Variants in KIAA1217 observed in about 807,000 individuals in gnomAD.
The protein encoded by KIAA1217 is KIAA1217.
KIAA1217 carries 88 observed loss-of-function variants against 163.9 expected under a neutral mutation model. The observed-to-expected ratio is 0.54, with a 90% CI of 0.45 to 0.64. The LOEUF (loss-of-function observed/expected upper bound fraction) is 0.64, where lower values mean the gene tolerates loss of function less well. Ranked by LOEUF, KIAA1217 falls within the 30% of genes least tolerant of loss-of-function variation. The probability of loss-of-function intolerance (pLI) is 0.00; values close to 1 mark genes in which losing one functional copy is unlikely to be tolerated. For missense variants in KIAA1217, 2,372 were observed against 2,475.0 expected (o/e 0.96, Z 0.88); for synonymous variants, 903 against 923.1 (o/e 0.98, Z 0.39).
At chr10:24,393,196 CTG>C (rs1418425923) in intron 3 of KIAA1217, among the ~76,000 whole-genome samples, 2 of 152,184 alleles carry the variant, frequency 1.3e-5, no homozygotes, top group Non-Finnish European at 2.9e-5. Context: ...TGTCCAGAAA[CTG>C]AGATTTAGGG....
At chr10:24,538,269 C>T (rs981635569) in intron 17 of KIAA1217, among the ~76,000 whole-genome samples, 11 of 152,130 alleles carry the variant, frequency 7.2e-5, no homozygotes, top group Non-Finnish European at 1.2e-4. Flanking sequence ...GGCTCATAAC[C>T]ACCACGGCAC....
At position 23,782,216 on chromosome 10, in the gene KIAA1217, A is replaced by G. The variant is rs116033631; in HGVS notation, c.-321+86982A>G. 7.4e-3 allele frequency among the ~76,000 whole-genome samples: 1,125 copies of G among 152,172 alleles called. 8 individuals are homozygous for G. The highest frequency in any genetic ancestry group is 0.024 in the African/African-American group (993 of 41,520). ...ATGAATATGAAATATCTTTCCATTT[A>G]TGTGTATCTTCATTTTCTTTCATTA... On this transcript the variant is annotated intron_variant, in intron 1 of 18. Coordinates refer to the KIAA1217 transcript ENST00000376462.
chr10:23,809,929 C>T (rs576918950), intron 1 of KIAA1217, among the ~76,000 whole-genome samples: 24 of 152,058 alleles, frequency 1.6e-4, no homozygotes, highest in African/African-American at 5.1e-4. Flanking sequence ...AGAAACCATA[C>T]TTCAAGTACC....
intron 1 of KIAA1217, among the ~76,000 whole-genome samples, chr10:23,967,351 A>G (rs1347650413): frequency 6.6e-6 from 1 of 152,192 alleles, no homozygotes; most frequent in Non-Finnish European, 1.5e-5. Flanking sequence ...TTACATGGTA[A>G]TTTATTATAA....
At chr10:24,391,300 A>AAG (rs2054904934) in intron 3 of KIAA1217, among the ~76,000 whole-genome samples, 1 of 148,908 alleles carries the variant, frequency 6.7e-6, no homozygotes, top group Non-Finnish European at 1.5e-5. Context: ...GGTCTTAGAG[A>AAG]AGATTTAGGT....
chr10:24,402,435 G>T (rs1395999600), intron 3 of KIAA1217, among the ~76,000 whole-genome samples: 2 of 151,522 alleles, frequency 1.3e-5, no homozygotes, highest in Non-Finnish European at 2.9e-5. Flanking sequence ...CGTGAACCCG[G>T]GAGGCGGAGC....
At chr10:24,449,859 A>C (rs557415233) in intron 5 of KIAA1217, 1 of 552,946 alleles carries the variant, frequency 1.8e-6, no homozygotes, top group South Asian at 7.9e-5. Flanking sequence ...TCTGTATTCA[A>C]GTTCAATGCA....
intron 9 of KIAA1217, among the ~76,000 whole-genome samples, chr10:24,511,189 T>C (rs2069110375): frequency 7.6e-6 from 1 of 132,084 alleles, no homozygotes; most frequent in Non-Finnish European, 1.6e-5. Flanking sequence ...CTGGCCCCTA[T>C]GAAGAACTGA....
intron 1 of KIAA1217, among the ~76,000 whole-genome samples, chr10:23,975,140 A>G (rs1845485672): frequency 6.6e-6 from 1 of 152,170 alleles, no homozygotes; most frequent in African/African-American, 2.4e-5. Context: ...TTACATGGGA[A>G]ATGTGTATTT....
chr10:24,341,510 T>C (rs1441117319), intron 2 of KIAA1217, among the ~76,000 whole-genome samples: 1 of 152,266 alleles, frequency 6.6e-6, no homozygotes, highest in South Asian at 2.1e-4. Flanking sequence ...TTATTTCTAC[T>C]TGTAGATACG....
At chr10:24,008,728 G>A (rs1847117442) in intron 2 of KIAA1217, among the ~76,000 whole-genome samples, 2 of 152,128 alleles carry the variant, frequency 1.3e-5, no homozygotes, top group Admixed American at 6.6e-5. Context: ...TGTTGTGACT[G>A]TCTCTGCCAA....
chr10:23,839,591 G>A (rs1325013927), intron 1 of KIAA1217, among the ~76,000 whole-genome samples: 1 of 152,106 alleles, frequency 6.6e-6, no homozygotes, highest in African/African-American at 2.4e-5. Context: ...TATACAGCAT[G>A]GCTGTGCTGC....
At chr10:24,111,957 T>C (rs899384941) in intron 2 of KIAA1217, among the ~76,000 whole-genome samples, 4 of 152,024 alleles carry the variant, frequency 2.6e-5, no homozygotes, top group Non-Finnish European at 5.9e-5. Flanking sequence ...GTTGTTGTTG[T>C]TGTTTGTTTT....
intron 1 of KIAA1217, among the ~76,000 whole-genome samples, chr10:23,877,183 A>G (rs570832175): frequency 2.4e-4 from 36 of 152,010 alleles, no homozygotes; most frequent in African/African-American, 8.7e-4. Context: ...GTGATACTGA[A>G]GTTTCTAAGA....
At chr10:24,294,434 G>T (rs2079474214) in intron 2 of KIAA1217, among the ~76,000 whole-genome samples, 1 of 152,124 alleles carries the variant, frequency 6.6e-6, no homozygotes, top group African/African-American at 2.4e-5. Flanking sequence ...TCAAGACAGG[G>T]ATTGAACAAC....
At chr10:23,837,438 C>T (rs1838529430) in intron 1 of KIAA1217, among the ~76,000 whole-genome samples, 1 of 152,202 alleles carries the variant, frequency 6.6e-6, no homozygotes, top group African/African-American at 2.4e-5. Context: ...GGTTCTTCTT[C>T]ACTCTTCCAG....
chr10:24,293,573 G>A (rs2079332146), intron 2 of KIAA1217, among the ~76,000 whole-genome samples: 1 of 152,186 alleles, frequency 6.6e-6, no homozygotes, highest in Admixed American at 6.5e-5. Flanking sequence ...CAGCCGTCAG[G>A]CTGAGAGTGA....
chr10:24,333,750 T>G (rs1159788355), intron 2 of KIAA1217, among the ~76,000 whole-genome samples: 3 of 152,070 alleles, frequency 2.0e-5, no homozygotes, highest in Non-Finnish European at 2.9e-5. Flanking sequence ...TCCCTACAAG[T>G]AAAAGAATGA....
chr10:24,037,895 T>C (rs1848465201), intron 2 of KIAA1217, among the ~76,000 whole-genome samples: 1 of 152,260 alleles, frequency 6.6e-6, no homozygotes, highest in Non-Finnish European at 1.5e-5. Flanking sequence ...GCCAAATTTC[T>C]TTTCCTCCAG....
Sources: gnomAD v4.1 joint callset for allele counts (sites outside exome capture counted in the v4.1 genomes callset) on GRCh38, gnomAD v4.1.1 for gene constraint, MANE v1.5 for transcripts, NCBI Gene and HGNC (gene_info 2026-07-23, HGNC 2026-07-21) for gene names.